EPG5: variants seen among roughly 807,000 people sequenced by gnomAD.
EPG5 encodes the protein ectopic P granules protein 5 homolog.
Under a neutral mutation model 302.7 loss-of-function variants are expected in EPG5, and 159 were observed. The ratio of observed to expected loss-of-function variants is 0.53; its 90% CI spans 0.46 to 0.60. EPG5 has a LOEUF of 0.60. Ranked by LOEUF, EPG5 falls within the 20% of genes least tolerant of loss-of-function variation. EPG5 has a pLI of 0.00. For missense variants in EPG5, 2,896 were observed against 3,092.4 expected (o/e 0.94, Z 1.51); for synonymous variants, 1,158 against 1,136.8 (o/e 1.02, Z -0.37).
intron 2 of EPG5, chr18:45,953,257 T>A (rs1170467001): frequency 2.0e-6 from 2 of 977,866 alleles, no homozygotes; most frequent in Non-Finnish European, 2.4e-6. Flanking sequence ...GATCTTACCT[T>A]CTATTTTATG....
At chr18:45,908,260 G>A (rs750137561) in intron 23 of EPG5, among the ~76,000 whole-genome samples, 179 bp from the exon 24 acceptor site, 8 of 152,034 alleles carry the variant, frequency 5.3e-5, no homozygotes, top group African/African-American at 1.2e-4. Flanking sequence ...GGGGAGGCAC[G>A]TCACAGATTA....
chr18:45,829,223 A>C, the EPG5 span: 1 of 907,518 alleles, frequency 1.1e-6, no homozygotes, highest in East Asian at 1.2e-4. Flanking sequence ...AGCCTGCGGC[A>C]GAGGCATGGG....
chr18:45,923,328 A>C lies in EPG5; in HGVS notation c.2778T>G (p.Ala926=), dbSNP rs1474201212. Residue 926 remains alanine, a synonymous_variant, in exon 15 of 44, where the codon GCT becomes GCG. Transcript: ENST00000282041. ...GCTTCTGTGCAAGGTACTTCTGATA[A>C]GCTTCAAGAACCATTAAAGCCACTT... ...HAEVALMVLE[A]YQKYLAQKPY... 1 of 1,614,032 alleles carries C rather than the reference A, an allele frequency of 6.2e-7. No homozygotes were observed. The highest frequency in any genetic ancestry group is 1.7e-5 in the Admixed American group (1 of 60,028).
chr18:45,934,787 C>A (rs751478183), intron 11 of EPG5, 22 bp downstream of exon 11: 1 of 1,584,968 alleles, frequency 6.3e-7, no homozygotes, highest in South Asian at 1.2e-5. Context: ...AGCTGGACGC[C>A]GACTGCTCGG....
intron 27 of EPG5, among the ~76,000 whole-genome samples, chr18:45,898,350 T>C (rs1227929252): frequency 1.3e-5 from 2 of 152,222 alleles, no homozygotes; most frequent in Non-Finnish European, 2.9e-5. Context: ...GAAATGAAGA[T>C]AATATGATAA....
At chr18:45,841,155 T>TG in the EPG5 span, 1 of 152,298 alleles carries the variant, frequency 6.6e-6, no homozygotes, top group African/African-American at 2.4e-5. Flanking sequence ...GCAGATTCCC[T>TG]GGGGAGGGGG....
intron 1 of EPG5, among the ~76,000 whole-genome samples, chr18:45,964,580 G>A (rs2051209877): frequency 6.6e-6 from 1 of 152,014 alleles, no homozygotes; most frequent in South Asian, 2.1e-4. Context: ...GTAGGTTTAG[G>A]GATCTTATGC....
intron 2 of EPG5, among the ~76,000 whole-genome samples, chr18:45,953,055 C>T (rs1190701187): frequency 6.6e-6 from 1 of 152,008 alleles, no homozygotes; most frequent in Non-Finnish European, 1.5e-5. Context: ...CGCCTATAAT[C>T]CCAGCTACTC....
chr18:45,817,133 G>T, the EPG5 span, among the ~76,000 whole-genome samples: 4 of 152,254 alleles, frequency 2.6e-5, no homozygotes, highest in East Asian at 7.7e-4. Context: ...TGGGAAGTGG[G>T]TGAGGGATAA....
At chr18:45,954,038 G>A in intron 2 of EPG5, 2 of 463,616 alleles carry the variant, frequency 4.3e-6, no homozygotes, top group Non-Finnish European at 5.7e-6. Context: ...GCTAACATTT[G>A]CAAATTAGGA....
chr18:45,899,622 T>C, intron 26 of EPG5, 56 bp from the exon 27 acceptor site: 1 of 1,579,392 alleles, frequency 6.3e-7, no homozygotes, highest in Non-Finnish European at 8.7e-7. Flanking sequence ...ATATGATAGG[T>C]GATAAAGGCT....
intron 23 of EPG5, 77 bp from the exon 24 acceptor site, chr18:45,908,158 A>T: frequency 8.6e-7 from 1 of 1,167,358 alleles, no homozygotes; most frequent in Admixed American, 2.8e-5. Context: ...CTCTAGGAAC[A>T]CTGGCACCCC....
At chr18:45,868,491 C>T (rs1334339311) in intron 36 of EPG5, among the ~76,000 whole-genome samples, 3 of 151,806 alleles carry the variant, frequency 2.0e-5, no homozygotes, top group Admixed American at 6.6e-5. Flanking sequence ...GTGCCTGCCA[C>T]CATGCCCAGC....
At chr18:45,924,456 T>A (rs62095410) in intron 14 of EPG5, among the ~76,000 whole-genome samples, 33,831 of 152,196 alleles carry the variant, frequency 0.22, 4,466 homozygotes, top group Non-Finnish European at 0.3. Flanking sequence ...AGTTTCCTCA[T>A]CTGCACAACA....
intron 14 of EPG5, among the ~76,000 whole-genome samples, chr18:45,924,311 G>T (rs1393561157): frequency 6.6e-6 from 1 of 152,206 alleles, no homozygotes; most frequent in Non-Finnish European, 1.5e-5. Context: ...CTGTTCACAA[G>T]CCAGAGAATG....
At chr18:45,929,402 C>T (rs1459735226) in intron 12 of EPG5, among the ~76,000 whole-genome samples, 1 of 152,214 alleles carries the variant, frequency 6.6e-6, no homozygotes, top group East Asian at 1.9e-4. Context: ...ACCCTAACTA[C>T]AAGACCTTCT....
In EPG5 at chr18:45,916,371, G is replaced by T; in HGVS notation, c.3384+67C>A. 7.0e-6 allele frequency: 11 copies of T among 1,575,640 alleles called. No individual in the cohort carries two copies. In the South Asian group the frequency reaches 1.3e-4, roughly 18 times the overall value. ...TCTGAAATGACTAAAACCTAAGTGT[G>T]CTAACGCTAGAGGTCTTGGTTGGGA... is the stretch of plus-strand genomic sequence containing the variant. On this transcript the variant is annotated intron_variant, in intron 18 of 43. Transcript: ENST00000282041.
At chr18:45,825,619 GTGCCC>G in the EPG5 span, 2 of 1,146,878 alleles carry the variant, frequency 1.7e-6, no homozygotes, top group Non-Finnish European at 2.5e-6. Flanking sequence ...GCAGATCTGA[GTGCCC>G]TGCCCACCCC....
At chr18:45,815,664 A>C in the EPG5 span, among the ~76,000 whole-genome samples, 3 of 152,234 alleles carry the variant, frequency 2.0e-5, no homozygotes, top group African/African-American at 7.2e-5. Context: ...ATGGAAACAC[A>C]TCCCATGCTC....
Sources: allele counts gnomAD v4.1 joint callset (sites outside exome capture counted in the v4.1 genomes callset), GRCh38; gene constraint gnomAD v4.1.1; transcripts MANE v1.5; gene names NCBI Gene and HGNC (gene_info 2026-07-23, HGNC 2026-07-21).